SAMD4B: variants seen among roughly 807,000 people sequenced by gnomAD.
The protein encoded by SAMD4B is protein Smaug homolog 2.
In SAMD4B, 5 loss-of-function variants were observed where a neutral mutation model predicts 74.5. The ratio of observed to expected loss-of-function variants is 0.07; its 90% CI spans 0.04 to 0.14. The LOEUF (loss-of-function observed/expected upper bound fraction) is 0.14, where lower values mean the gene tolerates loss of function less well. SAMD4B is among the 10% of genes least tolerant of loss of function. SAMD4B has a pLI of 1.00. For synonymous variants in SAMD4B, 373 were observed against 374.9 expected, an observed-to-expected ratio of 1.00 and a Z score of 0.06; for missense variants, 608 against 921.8, an observed-to-expected ratio of 0.66 and a Z score of 4.41.
intron 3 of SAMD4B, among the ~76,000 whole-genome samples, chr19:39,362,613 C>T (rs2076720689): frequency 6.6e-6 from 1 of 152,160 alleles, no homozygotes. Flanking sequence ...TCTTCCCTGC[C>T]TCTTTGGAGC....
rs1219429977 is a variant in SAMD4B, at chr19:39,378,861, G to A, written c.1530+272G>A. Among the ~76,000 whole-genome samples, 1 of 152,314 alleles carries A rather than the reference G, an allele frequency of 6.6e-6. No homozygotes were observed. Among genetic ancestry groups the A allele is most frequent in the South Asian group, 2.1e-4 (1 of 4,824 alleles). ...GGAGCTTGTGGTGAGCCAAGATCGC[G>A]CCACTGCACTCCAGCCTGGACGACA... On this transcript the variant is annotated intron_variant, in intron 9 of 13. Transcript: ENST00000610417. The surrounding 1 kb of genome is among the most constrained non-coding windows in gnomAD (Gnocchi z 4.4).
At chr19:39,348,048 G>A (rs957421353) in intron 1 of SAMD4B, among the ~76,000 whole-genome samples, 2 of 152,178 alleles carry the variant, frequency 1.3e-5, no homozygotes, top group African/African-American at 4.8e-5. Context: ...CCTCTTTTGG[G>A]AGGTGACAGT....
rs140237202 is a variant in SAMD4B, at chr19:39,370,908, C to G, written c.667+783C>G. Reference sequence around the variant, plus strand: ...AGAGGTGAAGTGATGTGTTCAAAGTCACACGTAGAACAAGTGGTGGAACAG... The same window carrying G: ...AGAGGTGAAGTGATGTGTTCAAAGTGACACGTAGAACAAGTGGTGGAACAG... On this transcript the variant is annotated intron_variant, in intron 4 of 13. Transcript: ENST00000610417. Among the ~76,000 whole-genome samples the G allele has an allele frequency of 6.3e-4, 96 of 152,338 alleles. No individual in the cohort carries two copies. The East Asian group carries it at 9.6e-3, about 15-fold the overall frequency.
At chr19:39,369,343 T>G in intron 3 of SAMD4B, 1 of 337,996 alleles carries the variant, frequency 3.0e-6, no homozygotes, top group South Asian at 3.1e-5. Flanking sequence ...ACTGGCCCAG[T>G]TTGGAAATGG....
intron 3 of SAMD4B, among the ~76,000 whole-genome samples, chr19:39,358,716 G>A (rs570067470): frequency 1.3e-5 from 2 of 152,256 alleles, no homozygotes; most frequent in South Asian, 4.1e-4. Context: ...CTGACATGTA[G>A]TAAACAATAA....
chr19:39,344,213 A>T (rs2075547534), intron 1 of SAMD4B, among the ~76,000 whole-genome samples: 3 of 151,880 alleles, frequency 2.0e-5, no homozygotes, highest in Admixed American at 2.0e-4. Context: ...ACACACACCT[A>T]ATTTTCCCCC....
intron 4 of SAMD4B, among the ~76,000 whole-genome samples, chr19:39,373,762 G>A (rs1293784704): frequency 6.6e-6 from 1 of 151,876 alleles, no homozygotes; most frequent in African/African-American, 2.4e-5. Context: ...GGGAGTTCAA[G>A]ACCAGCCTAA....
chr19:39,344,293 C>G (rs1036163699), intron 1 of SAMD4B, among the ~76,000 whole-genome samples: 2 of 152,128 alleles, frequency 1.3e-5, no homozygotes, highest in African/African-American at 4.8e-5. Context: ...CTCTGACACT[C>G]TCTCAGAAGA....
rs188944313 is a variant in SAMD4B, at chr19:39,379,245, C to A, written c.1530+656C>A. 1.4e-3 allele frequency among the ~76,000 whole-genome samples: 212 copies of A among 152,194 alleles called. 1 individual carries two copies. The highest frequency in any genetic ancestry group is 1.5e-3 in the Non-Finnish European group (104 of 67,992). Reference sequence around the variant, plus strand: ...CTCGAACTCCTGGCCTCAAGCGATCCCCTGCCCTGGCCTCCCAAAGTACTG... The same window carrying A: ...CTCGAACTCCTGGCCTCAAGCGATCACCTGCCCTGGCCTCCCAAAGTACTG... On this transcript the variant is annotated intron_variant, in intron 9 of 13. Coordinates refer to ENST00000610417, the MANE Select transcript of SAMD4B (RefSeq NM_001384574.2).
At position 39,361,879 on chromosome 19, in the gene SAMD4B, A is replaced by G. The variant is rs544385763; in HGVS notation, c.196+4790A>G. Reference sequence around the variant, plus strand: ...GCACAGGAGCTTGCAATGATCCGAGATCGCACCACTGCACTCCAGCCTGGG... The same window carrying G: ...GCACAGGAGCTTGCAATGATCCGAGGTCGCACCACTGCACTCCAGCCTGGG... On this transcript the variant is annotated intron_variant, in intron 3 of 13. Transcript: ENST00000610417. Among the ~76,000 whole-genome samples, 17 of 152,202 alleles carry G rather than the reference A, an allele frequency of 1.1e-4. No homozygotes were observed. In the South Asian group the frequency reaches 3.5e-3, roughly 32 times the overall value.
At chr19:39,376,287 A>G in intron 5 of SAMD4B, 150 bp from the exon 6 acceptor site, 1 of 634,630 alleles carries the variant, frequency 1.6e-6, no homozygotes, top group Non-Finnish European at 2.8e-6. Flanking sequence ...GCAGATGAAG[A>G]AGGAGCTGAT....
chr19:39,347,415 A>G (rs899030582), intron 1 of SAMD4B, among the ~76,000 whole-genome samples: 7 of 152,204 alleles, frequency 4.6e-5, no homozygotes, highest in African/African-American at 1.2e-4. Context: ...TGCTGAGCCA[A>G]ATAGGCCTGT....
At chr19:39,379,892 T>A in intron 9 of SAMD4B, 74 bp from the exon 10 acceptor site, 1 of 1,267,946 alleles carries the variant, frequency 7.9e-7, no homozygotes, top group Non-Finnish European at 1.1e-6. Context: ...TTTGAACAAA[T>A]GAATGGAAGA....
downstream of SAMD4B, chr19:39,387,032 T>A: frequency 1.7e-6 from 1 of 588,182 alleles, no homozygotes. Flanking sequence ...TGTGTGTGTG[T>A]GTTATACGGT....
chr19:39,342,509 G>C lies in SAMD4B; in HGVS notation c.-334G>C, dbSNP rs1476706402. ...GGGAGGGGAGCTTGCGGGCCCGAGA[G>C]GGGGCGACGGCGGCGGCGGTGGCCT... On this transcript the variant is annotated 5_prime_UTR_variant, in exon 1 of 14. Coordinates refer to ENST00000610417, the MANE Select transcript of SAMD4B (RefSeq NM_001384574.2). 4 of 174,234 alleles carry C rather than the reference G, an allele frequency of 2.3e-5. No individual in the cohort carries two copies. Among genetic ancestry groups the C allele is most frequent in the Admixed American group, 1.9e-4 (3 of 15,596 alleles). 10.8% of individuals were successfully genotyped at this position (174,234 alleles called of 1,614,324 possible). A position where few individuals can be genotyped will look rare whatever the true frequency, so the allele number is the denominator to read the frequency against.
At chr19:39,345,240 C>T in intron 1 of SAMD4B, among the ~76,000 whole-genome samples, 1 of 152,174 alleles carries the variant, frequency 6.6e-6, no homozygotes, top group African/African-American at 2.4e-5. Flanking sequence ...CTGCCCACTG[C>T]TGCTTTCCTG....
intron 11 of SAMD4B, 26 bp downstream of exon 11, chr19:39,380,811 G>A: frequency 2.0e-6 from 3 of 1,515,084 alleles, no homozygotes; most frequent in African/African-American, 2.8e-5. Flanking sequence ...GCAGGGGCCT[G>A]GCCTCCTGGG....
At chr19:39,370,409 A>G (rs1311017893) in intron 4 of SAMD4B, among the ~76,000 whole-genome samples, 5 of 152,178 alleles carry the variant, frequency 3.3e-5, no homozygotes. Flanking sequence ...TAAAAATGAG[A>G]TTTCCAGCCT....
downstream of SAMD4B, chr19:39,388,370 C>T: frequency 1.2e-6 from 2 of 1,614,102 alleles, no homozygotes; most frequent in Non-Finnish European, 1.7e-6. Context: ...TAAACCCCGT[C>T]ACCCTCTCGG....
Sources: allele counts gnomAD v4.1 joint callset (sites outside exome capture counted in the v4.1 genomes callset), GRCh38; gene constraint gnomAD v4.1.1; non-coding constraint Gnocchi (gnomAD v3.1); transcripts MANE v1.5; gene names NCBI Gene and HGNC (gene_info 2026-07-23, HGNC 2026-07-21).